The following PGPEP1L variants were observed in gnomAD, a reference collection of about 807,000 sequenced individuals.
PGPEP1L encodes pyroglutamyl-peptidase 1-like protein.
In PGPEP1L, 7 loss-of-function variants were observed where a neutral mutation model predicts 6.0. The ratio of observed to expected loss-of-function variants is 1.17; its 90% confidence interval spans 0.66 to 2.19. The LOEUF (loss-of-function observed/expected upper bound fraction) is 2.19. PGPEP1L is among the 30% of genes most tolerant of loss of function. The pLI is 0.00. For missense variants in PGPEP1L, 209 were observed against 192.5 expected, an observed-to-expected ratio of 1.09 and a Z score of -0.51; for synonymous variants, 103 against 83.9, an observed-to-expected ratio of 1.23 and a Z score of -1.24.
chr15:98,972,236 C>T (rs1354000689), intron 2 of PGPEP1L, among the ~76,000 whole-genome samples: 1 of 152,038 alleles, frequency 6.6e-6, no homozygotes, highest in Non-Finnish European at 1.5e-5. Context: ...GCCTGTAATC[C>T]CAGCTACTTG....
chr15:99,001,444 G>T (rs900271333), intron 2 of PGPEP1L, among the ~76,000 whole-genome samples: 7 of 152,052 alleles, frequency 4.6e-5, no homozygotes, highest in Non-Finnish European at 7.4e-5. Flanking sequence ...GGGGTGTGGG[G>T]TTTCTTTCTG....
At chr15:98,981,489 C>CAAAAAAAAAAAAAAA (rs769918543) in intron 2 of PGPEP1L, among the ~76,000 whole-genome samples, 2 of 82,130 alleles carry the variant, frequency 2.4e-5, no homozygotes, top group African/African-American at 6.8e-5. Flanking sequence ...GACTCCGTCT[C>CAAAAAAAAAAAAAAA]AAAAAAAAAA....
At chr15:99,003,115 C>T (rs1228699973) in intron 2 of PGPEP1L, among the ~76,000 whole-genome samples, 9 of 150,344 alleles carry the variant, frequency 6.0e-5, no homozygotes, top group African/African-American at 2.2e-4. Flanking sequence ...TCCTCTGATT[C>T]AACCAAATCC....
intron 2 of PGPEP1L, among the ~76,000 whole-genome samples, chr15:98,989,713 G>A (rs567808626): frequency 6.6e-6 from 1 of 152,300 alleles, no homozygotes; most frequent in South Asian, 2.1e-4. Flanking sequence ...AGTAAAAAAT[G>A]TTAAGGGCAC....
intron 2 of PGPEP1L, among the ~76,000 whole-genome samples, chr15:98,987,825 CCA>C (rs1412587487): frequency 2.0e-5 from 3 of 152,092 alleles, no homozygotes; most frequent in East Asian, 3.9e-4. Flanking sequence ...TGGGTGCAGC[CCA>C]CAGAGGGTGA....
At chr15:98,982,671 C>T (rs2017681616) in intron 2 of PGPEP1L, among the ~76,000 whole-genome samples, 1 of 146,144 alleles carries the variant, frequency 6.8e-6, no homozygotes, top group Non-Finnish European at 1.5e-5. Context: ...GTCTCCCTTC[C>T]TCCTCACTCT....
chr15:98,971,380 G>A (rs1321760250), intron 2 of PGPEP1L, among the ~76,000 whole-genome samples: 2 of 152,198 alleles, frequency 1.3e-5, no homozygotes, highest in Admixed American at 1.3e-4. Flanking sequence ...TGTAATCCCA[G>A]CTACTTGGGA....
chr15:98,992,185 T>C (rs907207869), intron 2 of PGPEP1L, among the ~76,000 whole-genome samples: 2 of 152,242 alleles, frequency 1.3e-5, no homozygotes, highest in African/African-American at 2.4e-5. Flanking sequence ...GAAATGATTG[T>C]ATATTTAGAA....
intron 2 of PGPEP1L, among the ~76,000 whole-genome samples, chr15:98,976,271 T>C (rs943244466): frequency 2.0e-5 from 3 of 152,258 alleles, no homozygotes; most frequent in African/African-American, 4.8e-5. Context: ...AAGAAAATTA[T>C]GGCTTTCACC....
chr15:98,970,180 C>T (rs1246530609), intron 3 of PGPEP1L, among the ~76,000 whole-genome samples: 1 of 152,022 alleles, frequency 6.6e-6, no homozygotes, highest in East Asian at 1.9e-4. Flanking sequence ...TCCCGAGTAG[C>T]GGGGACTACA....
intron 2 of PGPEP1L, among the ~76,000 whole-genome samples, chr15:98,971,731 A>G (rs1273974630): frequency 2.0e-5 from 3 of 152,358 alleles, no homozygotes; most frequent in South Asian, 2.1e-4. Flanking sequence ...CACTGGCACA[A>G]GTAAGAAAAC....
At chr15:98,970,874 A>T (rs1215800060) in intron 3 of PGPEP1L, among the ~76,000 whole-genome samples, 162 bp downstream of exon 3, 1 of 152,182 alleles carries the variant, frequency 6.6e-6, no homozygotes, top group Non-Finnish European at 1.5e-5. Context: ...TTTTACAAAC[A>T]GACCCAGAAC....
At position 99,002,485 on chromosome 15, in the gene PGPEP1L, TACAC is replaced by T. The variant is rs112853612; in HGVS notation, c.-142+2940_-142+2943del. 5.9e-5 allele frequency among the ~76,000 whole-genome samples: 9 copies of T among 151,870 alleles called. No homozygotes were observed. The East Asian group carries it at 9.6e-4, about 16-fold the overall frequency. ...GATAGGAAGCTACACTAGCTGAAAT[TACAC>T]ACACACACGCACACATACTGCAAGC... is the stretch of plus-strand genomic sequence containing the variant. On this transcript the variant is annotated intron_variant, in intron 2 of 4. Coordinates refer to ENST00000535714, the MANE Select transcript of PGPEP1L (RefSeq NM_001167902.2).
chr15:99,001,612 T>TA (rs1419192748), intron 2 of PGPEP1L, among the ~76,000 whole-genome samples: 1 of 152,256 alleles, frequency 6.6e-6, no homozygotes, highest in Admixed American at 6.5e-5. Context: ...AATGGACTAT[T>TA]GATACATACA....
intron 2 of PGPEP1L, among the ~76,000 whole-genome samples, chr15:99,000,853 C>T (rs2017957370): frequency 2.0e-5 from 3 of 152,144 alleles, no homozygotes; most frequent in Admixed American, 2.0e-4. Flanking sequence ...CCACTCGGGT[C>T]CCCTTCCACA....
At chr15:99,006,637 T>C (rs1162667246) in intron 1 of PGPEP1L, among the ~76,000 whole-genome samples, 1 of 152,176 alleles carries the variant, frequency 6.6e-6, no homozygotes, top group Non-Finnish European at 1.5e-5. Flanking sequence ...AAGATCAACC[T>C]GGGCAACGTG....
chr15:98,985,138 G>A lies in PGPEP1L; in HGVS notation c.-141-13980C>T, dbSNP rs577821675. 2.6e-5 allele frequency among the ~76,000 whole-genome samples: 4 copies of A among 152,252 alleles called. No homozygotes were observed. In the South Asian group the frequency reaches 8.3e-4, roughly 32 times the overall value. ...GGGCAAATATGAACTCACGGCACAGGGACAGCCATGAAGAGATGGATATAG... is the reference window on the plus strand; with the variant it reads ...GGGCAAATATGAACTCACGGCACAGAGACAGCCATGAAGAGATGGATATAG... On this transcript the variant is annotated intron_variant, in intron 2 of 4. Coordinates refer to ENST00000535714, the MANE Select transcript of PGPEP1L (RefSeq NM_001167902.2).
In PGPEP1L at chr15:98,971,158, C is replaced by G; in HGVS notation, c.-141G>C. 1 of 1,533,216 alleles carries G rather than the reference C, an allele frequency of 6.5e-7. No homozygotes were observed. Among genetic ancestry groups the G allele is most frequent in the Non-Finnish European group, 8.8e-7 (1 of 1,135,926 alleles). 95.0% of individuals were successfully genotyped at this position (1,533,216 alleles called of 1,614,324 possible). ...TTCCCCAGGCCCAGCTTGGAGAGCT[C>G]CTGAGGAAAGCGGCAGGTGGACTTG... On this transcript the variant is annotated splice_region_variant and 5_prime_UTR_variant, in exon 3 of 5. Transcript: ENST00000535714.
chr15:98,981,501 A>C (rs113655515), intron 2 of PGPEP1L, among the ~76,000 whole-genome samples: 18,662 of 149,020 alleles, frequency 0.13, 2,923 homozygotes, highest in African/African-American at 0.37. Flanking sequence ...AAAAAAAAAA[A>C]AAAAACAAAA....
Sources: allele counts gnomAD v4.1 joint callset (sites outside exome capture counted in the v4.1 genomes callset), GRCh38; gene constraint gnomAD v4.1.1; transcripts MANE v1.5; gene names NCBI Gene and HGNC (gene_info 2026-07-23, HGNC 2026-07-21).